HMGCLL1: variants seen among roughly 807,000 people sequenced by gnomAD.
The protein encoded by HMGCLL1 is 3-hydroxymethyl-3-methylglutaryl-CoA lyase, cytoplasmic.
HMGCLL1 carries 36 observed loss-of-function variants against 39.1 expected under a neutral mutation model. The observed-to-expected ratio is 0.92, with a 90% confidence interval of 0.71 to 1.22. The LOEUF is 1.22. Ranked by LOEUF, HMGCLL1 falls within the 50% of genes most tolerant of loss-of-function variation. The pLI is 0.00. For synonymous variants in HMGCLL1, 149 were observed against 144.0 expected, an observed-to-expected ratio of 1.03 and a Z score of -0.25; for missense variants, 451 against 416.5, an observed-to-expected ratio of 1.08 and a Z score of -0.72.
rs953977226 is a variant in HMGCLL1 at position 55,499,271 on chromosome 6, A to G, written c.571T>C (p.Tyr191His). 3 of 1,610,914 alleles carry G rather than the reference A, an allele frequency of 1.9e-6. No individual in the cohort carries two copies. The highest frequency in any genetic ancestry group is 1.7e-4 in the Middle Eastern group (1 of 6,048). ...GYVSCALGCP[Y>H]EGSITPQKVT... The stretch of plus-strand genomic sequence containing the variant: ...TTTTGCGGTGTAATACTTCCTTCAT[A>G]TGGACAGCCCAGAGCACAAGACACA... The change falls in exon 6 of 9, where the codon TAT becomes CAT. Residue 191 changes from tyrosine to histidine, a missense_variant. Transcript: ENST00000274901.
the HMGCLL1 span, among the ~76,000 whole-genome samples, chr6:55,612,775 C>T: frequency 2.0e-5 from 3 of 152,234 alleles, no homozygotes; most frequent in South Asian, 6.2e-4. Flanking sequence ...GGGACCCCTT[C>T]CTTACACCTT....
intron 1 of HMGCLL1, among the ~76,000 whole-genome samples, chr6:55,557,533 T>C (rs1451336843): frequency 6.6e-6 from 1 of 152,142 alleles, no homozygotes; most frequent in East Asian, 1.9e-4. Context: ...ATTTTGTTTC[T>C]TTAGGGCTCT....
the HMGCLL1 span, among the ~76,000 whole-genome samples, chr6:55,618,906 G>A: frequency 6.6e-6 from 1 of 152,072 alleles, no homozygotes; most frequent in African/African-American, 2.4e-5. Flanking sequence ...TGTGAGAGGA[G>A]ACTAATGACA....
intron 4 of HMGCLL1, among the ~76,000 whole-genome samples, chr6:55,516,055 T>A (rs1299628007): frequency 6.6e-6 from 1 of 151,868 alleles, no homozygotes; most frequent in Non-Finnish European, 1.5e-5. Context: ...ATAGGGAAAG[T>A]AACTAGAGCC....
chr6:55,664,736 TAGTC>T, the HMGCLL1 span, among the ~76,000 whole-genome samples: 3 of 151,682 alleles, frequency 2.0e-5, no homozygotes, highest in African/African-American at 7.3e-5. Flanking sequence ...TTCAATTTGT[TAGTC>T]AGGCTGCAGT....
intron 7 of HMGCLL1, among the ~76,000 whole-genome samples, chr6:55,494,862 T>C (rs1766494082): frequency 6.6e-6 from 1 of 152,228 alleles, no homozygotes; most frequent in Admixed American, 6.5e-5. Context: ...CAATTCATAA[T>C]CTTCCAACTT....
chr6:55,604,343 A>T, the HMGCLL1 span, among the ~76,000 whole-genome samples: 1 of 152,156 alleles, frequency 6.6e-6, no homozygotes, highest in Admixed American at 6.6e-5. Context: ...AAACAAAACA[A>T]ACCTTTTGCC....
chr6:55,669,887 G>A, the HMGCLL1 span, among the ~76,000 whole-genome samples: 1 of 151,884 alleles, frequency 6.6e-6, no homozygotes, highest in East Asian at 1.9e-4. Flanking sequence ...TAACAATGAT[G>A]TTGTTGAAGT....
At chr6:55,629,687 G>A in the HMGCLL1 span, among the ~76,000 whole-genome samples, 1 of 152,134 alleles carries the variant, frequency 6.6e-6, no homozygotes, top group Non-Finnish European at 1.5e-5. Context: ...TTCCTGTGCT[G>A]TGAGCAACCT....
the HMGCLL1 span, among the ~76,000 whole-genome samples, chr6:55,666,315 A>T: frequency 6.6e-6 from 1 of 151,830 alleles, no homozygotes; most frequent in Non-Finnish European, 1.5e-5. Flanking sequence ...CCCACAGGGT[A>T]CTCAGTAATC....
At chr6:55,609,235 G>A in the HMGCLL1 span, among the ~76,000 whole-genome samples, 1 of 152,170 alleles carries the variant, frequency 6.6e-6, no homozygotes, top group East Asian at 1.9e-4. Context: ...AGCTCCCTGG[G>A]GGAGGGGTGG....
chr6:55,614,593 T>C, the HMGCLL1 span, among the ~76,000 whole-genome samples: 9 of 152,292 alleles, frequency 5.9e-5, no homozygotes, highest in East Asian at 1.7e-3. Context: ...TTCTTCCGTT[T>C]ATTAAAATTC....
chr6:55,568,536 C>G (rs1167787303), intron 1 of HMGCLL1, among the ~76,000 whole-genome samples: 1 of 152,114 alleles, frequency 6.6e-6, no homozygotes, highest in Non-Finnish European at 1.5e-5. Flanking sequence ...TATATTTTAA[C>G]TGCAGTTTCA....
At chr6:55,653,774 G>A in the HMGCLL1 span, among the ~76,000 whole-genome samples, 1 of 151,858 alleles carries the variant, frequency 6.6e-6, no homozygotes, top group Non-Finnish European at 1.5e-5. Flanking sequence ...AAGCGCCTTG[G>A]GAAGAGCTGA....
the HMGCLL1 span, among the ~76,000 whole-genome samples, chr6:55,675,722 A>C: frequency 1.3e-5 from 2 of 152,150 alleles, no homozygotes; most frequent in African/African-American, 4.8e-5. Flanking sequence ...CCTTCAATCC[A>C]TGTAACCTTA....
chr6:55,524,967 T>G (rs1768237764), intron 3 of HMGCLL1, among the ~76,000 whole-genome samples: 1 of 148,320 alleles, frequency 6.7e-6, no homozygotes, highest in Admixed American at 6.9e-5. Context: ...TACTATTAAT[T>G]AATAGTAATA....
intron 1 of HMGCLL1, among the ~76,000 whole-genome samples, chr6:55,551,537 A>T (rs1198047774): frequency 6.6e-6 from 1 of 151,944 alleles, no homozygotes; most frequent in Non-Finnish European, 1.5e-5. Context: ...AAGAAGAGGA[A>T]GGGAAAGGAG....
the HMGCLL1 span, among the ~76,000 whole-genome samples, chr6:55,661,991 C>T: frequency 6.6e-6 from 1 of 151,186 alleles, no homozygotes; most frequent in African/African-American, 2.4e-5. Flanking sequence ...TGTCTCTTGG[C>T]TGTGGTTGGT....
At chr6:55,670,168 GC>G in the HMGCLL1 span, among the ~76,000 whole-genome samples, 1 of 151,714 alleles carries the variant, frequency 6.6e-6, no homozygotes, top group Admixed American at 6.6e-5. Context: ...CTTATTATAA[GC>G]CATGGAGGTC....
Sources: gnomAD v4.1 joint callset for allele counts (sites outside exome capture counted in the v4.1 genomes callset) on GRCh38, gnomAD v4.1.1 for gene constraint, MANE v1.5 for transcripts, NCBI Gene and HGNC (gene_info 2026-07-23, HGNC 2026-07-21) for gene names.